HERC2: variants seen among roughly 807,000 people sequenced by gnomAD.
HERC2 encodes the protein HECT and RLD domain containing E3 ubiquitin protein ligase 2.
A neutral mutation model predicts 537.7 loss-of-function variants in HERC2; 102 were observed. The observed-to-expected ratio is 0.19, with a 90% CI of 0.16 to 0.22. The LOEUF (loss-of-function observed/expected upper bound fraction) is 0.22, where lower values mean the gene tolerates loss of function less well. HERC2 is among the 10% of genes least tolerant of loss of function. The pLI, the probability that HERC2 is intolerant of heterozygous loss-of-function variation, is 1.00. For missense variants in HERC2, 4,236 were observed against 6,198.2 expected (o/e 0.68, Z 10.63); for synonymous variants, 2,224 against 2,466.2 (o/e 0.90, Z 2.91).
chr15:28,255,222 C>G (rs1320350777), intron 19 of HERC2, among the ~76,000 whole-genome samples: 1 of 152,056 alleles, frequency 6.6e-6, no homozygotes, highest in Non-Finnish European at 1.5e-5. Context: ...GTGGTCCCTG[C>G]AAAACAGGAG....
intron 20 of HERC2, among the ~76,000 whole-genome samples, chr15:28,251,791 C>T (rs1444759764): frequency 1.3e-5 from 2 of 152,146 alleles, no homozygotes; most frequent in African/African-American, 2.4e-5. Flanking sequence ...CAGAGCAAGA[C>T]TCCATCTCAA....
Position 28,177,472 on chromosome 15 carries a change from T to C in HERC2, c.9201A>G (p.Lys3067=). The C allele has an allele frequency of 1.2e-6, 2 of 1,614,254 alleles. No homozygotes were observed. Among genetic ancestry groups the C allele is most frequent in the African/African-American group, 1.3e-5 (1 of 75,072 alleles). ...RHATALTVDG[K]VFSWGEGDDG... Reference sequence around the variant, plus strand: ...CGTCACCTTCGCCCCACGAAAACACTTTTCCATCGACAGTTAAAGCCGTCG... The same window carrying C: ...CGTCACCTTCGCCCCACGAAAACACCTTTCCATCGACAGTTAAAGCCGTCG... The change falls in exon 60 of 93, where the codon AAA becomes AAG. Residue 3067 remains lysine, a synonymous_variant. Coordinates refer to ENST00000261609, the MANE Select transcript of HERC2 (RefSeq NM_004667.6). The surrounding 1 kb of genome is among the most constrained non-coding windows in gnomAD (Gnocchi z 5.0).
chr15:28,212,709 G>A (rs1899390138), intron 42 of HERC2, 126 bp from the exon 43 acceptor site: 2 of 1,068,498 alleles, frequency 1.9e-6, no homozygotes, highest in South Asian at 1.6e-5. Context: ...TTTTATAGCT[G>A]AGAATAATCA....
chr15:28,120,691 TG>T (rs1888785287), intron 86 of HERC2, among the ~76,000 whole-genome samples: 1 of 152,176 alleles, frequency 6.6e-6, no homozygotes, highest in Non-Finnish European at 1.5e-5. Context: ...GTGAGGATGG[TG>T]GGAACATGAA....
chr15:28,221,969 G>A, intron 36 of HERC2, 59 bp downstream of exon 36: 4 of 1,064,060 alleles, frequency 3.8e-6, no homozygotes, highest in South Asian at 1.2e-5. Flanking sequence ...ATATCGTACA[G>A]AACTGTGCAG....
At chr15:28,189,629 T>C (rs1896641942) in intron 55 of HERC2, among the ~76,000 whole-genome samples, 1 of 152,216 alleles carries the variant, frequency 6.6e-6, no homozygotes, top group Non-Finnish European at 1.5e-5. Flanking sequence ...CTACTGTGAA[T>C]GTACTACGTA....
At chr15:28,284,745 T>C (rs1215409860) in intron 4 of HERC2, among the ~76,000 whole-genome samples, 2 of 151,250 alleles carry the variant, frequency 1.3e-5, no homozygotes, top group African/African-American at 4.9e-5. Flanking sequence ...CAAAACCCCA[T>C]CTCTACTAAA....
Position 28,229,690 on chromosome 15 carries a change from T to C in HERC2, c.4967A>G (p.Lys1656Arg), listed in dbSNP as rs752384640. Residue 1656 changes from lysine to arginine, a missense_variant, in exon 32 of 93, where the codon AAG becomes AGG. Physicochemically the swap from Lys to Arg is conservative, Grantham distance 26. Coordinates refer to ENST00000261609, the MANE Select transcript of HERC2 (RefSeq NM_004667.6). ...EEPVDVEKMR[K>R]CLLKQLERAE... ...AAATGTTACCTGTTTTAGTAGGCAC[T>C]TTCTCATTTTTTCCACATCCACTGG... 22 of 1,611,912 alleles carry C rather than the reference T, an allele frequency of 1.4e-5. No individual in the cohort carries two copies. Among genetic ancestry groups the C allele is most frequent in the Non-Finnish European group, 1.8e-5 (21 of 1,179,842 alleles).
intron 47 of HERC2, 140 bp from the exon 48 acceptor site, chr15:28,201,694 A>C (rs1046902844): frequency 9.2e-6 from 6 of 654,248 alleles, no homozygotes; most frequent in Middle Eastern, 2.8e-4. Context: ...TCTTCATTTA[A>C]AAAAGACTAA....
At chr15:28,195,013 G>A (rs1191059678) in intron 52 of HERC2, among the ~76,000 whole-genome samples, 1 of 150,594 alleles carries the variant, frequency 6.6e-6, no homozygotes, top group African/African-American at 2.4e-5. Flanking sequence ...CCAGGATCGC[G>A]CCACTGCACT....
Position 28,115,555 on chromosome 15 carries a change from A to G in HERC2, c.13610-14T>C. 6.3e-7 allele frequency: 1 copy of G among 1,590,260 alleles called. No homozygotes were observed. On this transcript the variant is annotated splice_polypyrimidine_tract_variant and intron_variant, in intron 88 of 92. Transcript: ENST00000261609. ...CCAGCAACACACCTGATCATTCAGGACACAAGTGACAGAGGACACTTCAAA... is the reference window on the plus strand; with the variant it reads ...CCAGCAACACACCTGATCATTCAGGGCACAAGTGACAGAGGACACTTCAAA...
At chr15:28,281,298 C>T (rs981707536) in intron 4 of HERC2, among the ~76,000 whole-genome samples, 18 of 152,134 alleles carry the variant, frequency 1.2e-4, no homozygotes, top group Non-Finnish European at 2.4e-4. Flanking sequence ...CATGTGTCTG[C>T]CTCAGAGCAC....
At chr15:28,189,749 A>G (rs1896653258) in intron 55 of HERC2, among the ~76,000 whole-genome samples, 1 of 152,244 alleles carries the variant, frequency 6.6e-6, no homozygotes. Context: ...TCCACAAAGT[A>G]TACATGTAAC....
At position 28,193,019 on chromosome 15, in the gene HERC2, T is replaced by G. The variant is rs138047448; in HGVS notation, c.8261-868A>C. On this transcript the variant is annotated intron_variant, in intron 52 of 92. Transcript: ENST00000261609. ...AGGTAAGCCCAGATAGTCACTAACC[T>G]TTACCAAGTAGCTCACAGAACAACC... Among the ~76,000 whole-genome samples the G allele has an allele frequency of 1.9e-3, 291 of 152,210 alleles. 1 individual carries two copies. Among genetic ancestry groups the G allele is most frequent in the African/African-American group, 6.7e-3 (277 of 41,562 alleles).
chr15:28,177,361 G>C lies in HERC2; in HGVS notation c.9254+58C>G. ...TAATTTTCTGCAAAATAATTCTCAA[G>C]AGTATCAGTCAGAAACAGTTTCTTA... On this transcript the variant is annotated intron_variant, in intron 60 of 92. Transcript: ENST00000261609. This position sits in a 1 kb window ranked among gnomAD's most constrained non-coding sequence, Gnocchi z 5.0. 1.3e-6 allele frequency: 2 copies of C among 1,499,272 alleles called. No homozygotes were observed. The highest frequency in any genetic ancestry group is 1.9e-6 in the Non-Finnish European group (2 of 1,076,984). 92.9% of individuals were successfully genotyped at this position (1,499,272 alleles called of 1,614,324 possible).
In HERC2 at chr15:28,265,074, G is replaced by A. The variant is rs1189117410; in HGVS notation, c.1870+544C>T. On this transcript the variant is annotated intron_variant, in intron 14 of 92. Transcript: ENST00000261609. The surrounding 1 kb of genome is among the most constrained non-coding windows in gnomAD (Gnocchi z 4.0). Reference sequence around the variant, plus strand: ...GATTATAACGGAAAGACTCCACAACGCCAGAGACACACAAGATGCCAAGGA... The same window carrying A: ...GATTATAACGGAAAGACTCCACAACACCAGAGACACACAAGATGCCAAGGA... Among the ~76,000 whole-genome samples, 2 of 152,070 alleles carry A rather than the reference G, an allele frequency of 1.3e-5. No homozygotes were observed. Among genetic ancestry groups the A allele is most frequent in the South Asian group, 2.1e-4 (1 of 4,816 alleles).
At chr15:28,246,656 C>T (rs1903736806) in intron 22 of HERC2, 86 bp downstream of exon 22, 1 of 1,179,974 alleles carries the variant, frequency 8.5e-7, no homozygotes, top group African/African-American at 1.6e-5. Flanking sequence ...AGAGTAAATG[C>T]AGGCATGCTG....
At chr15:28,271,208 C>G (rs2075718622) in intron 9 of HERC2, among the ~76,000 whole-genome samples, 1 of 152,214 alleles carries the variant, frequency 6.6e-6, no homozygotes, top group Admixed American at 6.5e-5. Flanking sequence ...CTGTGGGAAC[C>G]CAGCACAGCA....
At chr15:28,306,799 T>C (rs1296546673) in intron 2 of HERC2, among the ~76,000 whole-genome samples, 1 of 152,216 alleles carries the variant, frequency 6.6e-6, no homozygotes, top group African/African-American at 2.4e-5. Context: ...GGTTCAAACT[T>C]GGAAGGCTGT....
Sources: gnomAD v4.1 joint callset for allele counts (sites outside exome capture counted in the v4.1 genomes callset) on GRCh38, gnomAD v4.1.1 for gene constraint, Gnocchi (gnomAD v3.1) non-coding constraint, MANE v1.5 for transcripts, NCBI Gene and HGNC (gene_info 2026-07-23, HGNC 2026-07-21) for gene names.